LCA5: variants seen among roughly 807,000 people sequenced by gnomAD.
LCA5 encodes lebercilin LCA5, also known as lebercilin.
A neutral mutation model predicts 53.0 loss-of-function variants in LCA5; 37 were observed. That is an observed-to-expected ratio of 0.70 (90% CI 0.54 to 0.92). The LOEUF (loss-of-function observed/expected upper bound fraction) is 0.92, where lower values mean the gene tolerates loss of function less well. Ranked by LOEUF, LCA5 falls within the 40% of genes least tolerant of loss-of-function variation. The pLI is 0.00. For synonymous variants in LCA5, 303 were observed against 282.9 expected (o/e 1.07, Z -0.71); for missense variants, 806 against 790.5 (o/e 1.02, Z -0.23).
In LCA5 at chr6:79,485,476, CT is replaced by C. The variant is rs2127664240; in HGVS notation, c.*1527del. The stretch of plus-strand genomic sequence containing the variant: ...CAGACATACAAATCTATTAAGAAAA[CT>C]TTTTAATATAGTTTAGCACTTTTGA... On this transcript the variant is annotated 3_prime_UTR_variant, in exon 8 of 8. Coordinates refer to ENST00000369846, the MANE Select transcript of LCA5 (RefSeq NM_001122769.3). 1.3e-5 allele frequency: 2 copies of C among 152,376 alleles called. No homozygotes were observed. Among genetic ancestry groups the C allele is most frequent in the East Asian group, 3.9e-4 (2 of 5,170 alleles). The allele number at this position is 152,376 out of a possible 1,614,324, so 9.4% of individuals were successfully genotyped here.
Position 79,487,774 on chromosome 6 carries a change from G to T in LCA5, c.1324C>A (p.Gln442Lys). ...EKPEWETGRY[Q>K]LGMYPIQNMD... is the part of the protein sequence containing the mutation. ...TTCTGAATTGGATACATTCCTAGTT[G>T]GTACCTTCCAGTTTCCCACTCTGGC... The change falls in exon 8 of 8, where the codon CAA (glutamine) becomes AAA (lysine). Residue 442 changes from glutamine (Q) to lysine (K), a missense_variant. By Grantham distance (53) the Gln-to-Lys change is moderately conservative. Transcript: ENST00000369846. 6.2e-7 allele frequency: 1 copy of T among 1,612,938 alleles called. No individual in the cohort carries two copies. Among genetic ancestry groups the T allele is most frequent in the Non-Finnish European group, 8.5e-7 (1 of 1,179,580 alleles).
At chr6:79,498,846 CAG>C (rs1357748098) in intron 3 of LCA5, among the ~76,000 whole-genome samples, 4 of 151,794 alleles carry the variant, frequency 2.6e-5, no homozygotes, top group Non-Finnish European at 5.9e-5. Flanking sequence ...TTTTAAGAAA[CAG>C]ATTATCTGTA....
chr6:79,487,018 C>G lies in LCA5; in HGVS notation c.2080G>C (p.Val694Leu), dbSNP rs1196108636. 3 of 1,612,924 alleles carry G rather than the reference C, an allele frequency of 1.9e-6. No homozygotes were observed. Among genetic ancestry groups the G allele is most frequent in the Non-Finnish European group, 2.5e-6 (3 of 1,179,574 alleles). ...ACTCTAGTCAGTCATCTCAGTGCTA[C>G]TTCTTCAATTTCATCTTCTACAGAA... ...ADSVEDEIEE[V>L]ALR Residue 694 changes from valine to leucine, a missense_variant, in exon 8 of 8, where the codon GTA becomes CTA. Coordinates refer to ENST00000369846, the MANE Select transcript of LCA5 (RefSeq NM_001122769.3).
intron 1 of LCA5, among the ~76,000 whole-genome samples, chr6:79,535,647 T>A (rs779423912): frequency 2.0e-5 from 3 of 152,108 alleles, no homozygotes; most frequent in Non-Finnish European, 4.4e-5. Flanking sequence ...TTGGGATGCC[T>A]ATGGATAGGA....
chr6:79,486,708 T>C lies in LCA5; in HGVS notation c.*296A>G, dbSNP rs1769665681. 3.7e-6 allele frequency: 1 copy of C among 272,072 alleles called. No individual in the cohort carries two copies. The highest frequency in any genetic ancestry group is 8.3e-5 in the East Asian group (1 of 12,114). 16.9% of individuals were successfully genotyped at this position (272,072 alleles called of 1,614,324 possible). ...AATAGGAATAAAAGTAGAAAAGGAA[T>C]ACCACCTCCAGTGCAGTTAAACTTG... On this transcript the variant is annotated 3_prime_UTR_variant, in exon 8 of 8. Transcript: ENST00000369846.
chr6:79,514,270 T>A (rs2127680699), intron 2 of LCA5, among the ~76,000 whole-genome samples: 1 of 152,268 alleles, frequency 6.6e-6, no homozygotes, highest in South Asian at 2.1e-4. Flanking sequence ...TTGAAAAGTG[T>A]CTGTTATGTC....
At chr6:79,502,262 C>A (rs976297212) in intron 3 of LCA5, among the ~76,000 whole-genome samples, 2 of 152,166 alleles carry the variant, frequency 1.3e-5, no homozygotes, top group Admixed American at 6.5e-5. Context: ...GGAGACTGAG[C>A]TCATTTAAAT....
upstream of LCA5, among the ~76,000 whole-genome samples, chr6:79,537,680 T>C (rs1280841030): frequency 2.0e-5 from 3 of 152,206 alleles, no homozygotes; most frequent in Non-Finnish European, 4.4e-5. Context: ...CTGAGCGTCG[T>C]GGGCTCCGAG....
At chr6:79,519,310 G>A (rs1766550523) in intron 1 of LCA5, among the ~76,000 whole-genome samples, 1 of 152,124 alleles carries the variant, frequency 6.6e-6, no homozygotes, top group South Asian at 2.1e-4. Context: ...AACTACTTCT[G>A]AATAAATGTT....
At chr6:79,501,259 G>A (rs537033303) in intron 3 of LCA5, among the ~76,000 whole-genome samples, 4 of 152,068 alleles carry the variant, frequency 2.6e-5, no homozygotes, top group South Asian at 2.1e-4. Flanking sequence ...CATCAAATTC[G>A]TTGGGCCTCC....
At position 79,513,473 on chromosome 6, in the gene LCA5, G is replaced by A. The variant is rs112915515; in HGVS notation, c.459C>T (p.Ala153=). The change falls in exon 3 of 8, where the codon GCC becomes GCT. Residue 153 remains alanine, a synonymous_variant. Coordinates refer to ENST00000369846, the MANE Select transcript of LCA5 (RefSeq NM_001122769.3). The part of the protein sequence containing the change: ...QEKALNKFED[A]ENEISQLIFR... ...ATATAAGTTGTGAGATTTCATTTTC[G>A]GCATCTTCAAACTTATTCAGGGCTT... 7.7e-5 allele frequency: 125 copies of A among 1,613,482 alleles called. No individual in the cohort carries two copies. In the South Asian group the frequency reaches 9.4e-4, roughly 12 times the overall value.
In LCA5 at chr6:79,518,803, T is replaced by C. The variant is rs1322890097; in HGVS notation, c.92A>G (p.Gln31Arg). The C allele has an allele frequency of 6.2e-7, 1 of 1,614,010 alleles. No individual in the cohort carries two copies. The highest frequency in any genetic ancestry group is 8.5e-7 in the Non-Finnish European group (1 of 1,180,006). The change falls in exon 2 of 8, where the codon CAG becomes CGG. Residue 31 changes from glutamine to arginine, a missense_variant. Gln to Arg is a conservative substitution (Grantham distance 43). Transcript: ENST00000369846. ...YSYLSDFETP[Q>R]SSGRSSLVSS... is the part of the protein sequence containing the mutation. ...GACCAGCGATGATCGGCCAGAAGAC[T>C]GTGGCGTTTCAAAATCAGATAAGTA...
intron 1 of LCA5, among the ~76,000 whole-genome samples, chr6:79,531,640 T>C (rs1009851375): frequency 7.9e-5 from 12 of 152,144 alleles, no homozygotes; most frequent in Non-Finnish European, 1.6e-4. Flanking sequence ...TATTTCTTCT[T>C]TTGCACATCT....
intron 1 of LCA5, among the ~76,000 whole-genome samples, chr6:79,519,814 A>G (rs1006433446): frequency 3.3e-5 from 5 of 152,096 alleles, no homozygotes; most frequent in African/African-American, 1.2e-4. Flanking sequence ...TAAAAGAAAA[A>G]ATACTTGATG....
chr6:79,493,870 G>T, intron 3 of LCA5, 120 bp from the exon 4 acceptor site: 1 of 709,378 alleles, frequency 1.4e-6, no homozygotes, highest in Non-Finnish European at 2.3e-6. Flanking sequence ...AAATCAGACT[G>T]GGCATAGTAT....
At chr6:79,510,976 AAAAATGATACCACTACTTTAGAAAAGAG>A (rs1202409357) in intron 3 of LCA5, among the ~76,000 whole-genome samples, 1 of 152,160 alleles carries the variant, frequency 6.6e-6, no homozygotes, top group Non-Finnish European at 1.5e-5. Flanking sequence ...CGGGACAATA[AAAAATGATACCACTACTTTAGAAAAGAG>A]AATGTTCTGA....
At chr6:79,501,904 A>G (rs1367314243) in intron 3 of LCA5, among the ~76,000 whole-genome samples, 1 of 151,758 alleles carries the variant, frequency 6.6e-6, no homozygotes, top group African/African-American at 2.4e-5. Context: ...TAGAATACAG[A>G]TGTATAATAT....
intron 1 of LCA5, among the ~76,000 whole-genome samples, chr6:79,524,761 C>T (rs1165219999): frequency 1.3e-5 from 2 of 152,134 alleles, no homozygotes; most frequent in East Asian, 3.9e-4. Context: ...TCTTGTTATA[C>T]TGAAATTTCA....
chr6:79,486,260 G>C lies in LCA5; in HGVS notation c.*744C>G, dbSNP rs1437041683. ...AGTCACTGAGATACAAAGAGTGTAG[G>C]AGAACAAGGAGAGGAATTACACTGT... On this transcript the variant is annotated 3_prime_UTR_variant, in exon 8 of 8. Transcript: ENST00000369846. 1 of 152,154 alleles carries C rather than the reference G, an allele frequency of 6.6e-6. No homozygotes were observed. The highest frequency in any genetic ancestry group is 1.5e-5 in the Non-Finnish European group (1 of 68,040). 9.4% of individuals were successfully genotyped at this position (152,154 alleles called of 1,614,324 possible).
Sources: allele counts gnomAD v4.1 joint callset (sites outside exome capture counted in the v4.1 genomes callset), GRCh38; gene constraint gnomAD v4.1.1; transcripts MANE v1.5; gene names NCBI Gene and HGNC (gene_info 2026-07-23, HGNC 2026-07-21).